Variants in ETFA observed in about 807,000 individuals in gnomAD.
ETFA encodes the protein electron transfer flavoprotein subunit alpha.
In ETFA, 22 loss-of-function variants were observed where a neutral mutation model predicts 46.2. That is an observed-to-expected ratio of 0.48 (90% CI 0.34 to 0.68). ETFA has a LOEUF of 0.68. ETFA is among the 30% of genes least tolerant of loss of function. The pLI, the probability that ETFA is intolerant of heterozygous loss-of-function variation, is 0.01. For synonymous variants in ETFA, 131 were observed against 139.9 expected, an observed-to-expected ratio of 0.94 and a Z score of 0.45; for missense variants, 345 against 401.1, an observed-to-expected ratio of 0.86 and a Z score of 1.19.
rs114789882 is a variant in ETFA, at chr15:76,289,803, G to A, written c.352-1858C>T. On this transcript the variant is annotated intron_variant, in intron 4 of 11. Coordinates refer to ENST00000557943, the MANE Select transcript of ETFA (RefSeq NM_000126.4). ...GTTTCTCATTCCAAACCCATTTACA[G>A]GCCGCACGACCAGCTACTATTATGT... Among the ~76,000 whole-genome samples, 725 of 152,242 alleles carry A rather than the reference G, an allele frequency of 4.8e-3. 4 individuals are homozygous for A. Among genetic ancestry groups the A allele is most frequent in the African/African-American group, 0.017 (707 of 41,518 alleles).
At chr15:76,299,230 T>C (rs747320060) in intron 1 of ETFA, among the ~76,000 whole-genome samples, 11 of 152,184 alleles carry the variant, frequency 7.2e-5, no homozygotes, top group Admixed American at 2.6e-4. Flanking sequence ...ACAACTTCCT[T>C]GTTCGCACTC....
intron 9 of ETFA, among the ~76,000 whole-genome samples, chr15:76,268,560 G>A (rs1478063120): frequency 6.6e-6 from 1 of 152,176 alleles, no homozygotes; most frequent in East Asian, 1.9e-4. Flanking sequence ...ATGGACCAAT[G>A]TTTTCTGACT....
At chr15:76,263,223 G>C (rs1428194606) in intron 9 of ETFA, among the ~76,000 whole-genome samples, 3 of 152,134 alleles carry the variant, frequency 2.0e-5, no homozygotes, top group African/African-American at 7.2e-5. Flanking sequence ...CCATACTAGC[G>C]TTGGCCCCCT....
intron 8 of ETFA, 29 bp from the exon 9 acceptor site, chr15:76,274,523 T>C: frequency 1.9e-6 from 3 of 1,567,844 alleles, no homozygotes; most frequent in Admixed American, 1.7e-5. Context: ...TGTCATTTTT[T>C]TCAAGCTCTA....
intron 2 of ETFA, among the ~76,000 whole-genome samples, chr15:76,295,249 GA>G (rs2039806112): frequency 6.6e-6 from 1 of 152,094 alleles, no homozygotes; most frequent in Non-Finnish European, 1.5e-5. Context: ...CCACTTTCAG[GA>G]ATTAGAAGCA....
intron 9 of ETFA, among the ~76,000 whole-genome samples, chr15:76,245,470 C>T (rs1459908235): frequency 1.3e-5 from 2 of 152,208 alleles, no homozygotes; most frequent in Admixed American, 6.5e-5. Flanking sequence ...TCAGTCCTAG[C>T]TGTATACAAG....
At chr15:76,267,718 T>C (rs982349595) in intron 9 of ETFA, among the ~76,000 whole-genome samples, 5 of 152,208 alleles carry the variant, frequency 3.3e-5, no homozygotes, top group African/African-American at 1.2e-4. Context: ...TTTAGCTTTA[T>C]TAACATTAAA....
At chr15:76,259,862 G>A in intron 9 of ETFA, 3 of 1,376,168 alleles carry the variant, frequency 2.2e-6, no homozygotes, top group Non-Finnish European at 3.1e-6. Context: ...GAGCAGGAAG[G>A]CGTGCAGGTC....
At chr15:76,261,318 T>C in intron 9 of ETFA, 1 of 1,489,332 alleles carries the variant, frequency 6.7e-7, no homozygotes, top group Non-Finnish European at 9.3e-7. Flanking sequence ...TGAGCCACAC[T>C]GGCTGGGAGA....
chr15:76,289,475 G>A (rs2039736852), intron 4 of ETFA, among the ~76,000 whole-genome samples: 1 of 152,000 alleles, frequency 6.6e-6, no homozygotes, highest in South Asian at 2.1e-4. Context: ...ATTATCCCTT[G>A]TTTAACATAT....
At chr15:76,216,698 AT>A in intron 11 of ETFA, 101 bp from the exon 12 acceptor site, 1 of 810,834 alleles carries the variant, frequency 1.2e-6, no homozygotes, top group Non-Finnish European at 2.2e-6. Context: ...AACAACACAA[AT>A]CACTGTTGAG....
At chr15:76,295,146 T>C (rs8029637) in intron 2 of ETFA, among the ~76,000 whole-genome samples, 43,478 of 152,158 alleles carry the variant, frequency 0.29, 6,649 homozygotes, top group East Asian at 0.58. Context: ...GAACATCTTT[T>C]AGTACCAGCT....
chr15:76,279,778 A>G (rs907193223), intron 8 of ETFA, among the ~76,000 whole-genome samples: 1 of 152,018 alleles, frequency 6.6e-6, no homozygotes, highest in Non-Finnish European at 1.5e-5. Context: ...GTTCCAAAAC[A>G]TAGCCTCTGC....
chr15:76,261,357 C>T, intron 9 of ETFA: 2 of 1,268,500 alleles, frequency 1.6e-6, no homozygotes, highest in South Asian at 2.5e-5. Context: ...CCACCTTGCA[C>T]CAGTACTGGC....
chr15:76,306,264 C>T (rs1319511424), intron 1 of ETFA, among the ~76,000 whole-genome samples: 5 of 55,050 alleles, frequency 9.1e-5, no homozygotes, highest in Non-Finnish European at 1.6e-4. Context: ...GGTTTTTTTG[C>T]TTCTTTTTTT....
chr15:76,217,266 T>C (rs1238295411), intron 11 of ETFA, among the ~76,000 whole-genome samples: 1 of 152,200 alleles, frequency 6.6e-6, no homozygotes, highest in Non-Finnish European at 1.5e-5. Context: ...CATTCCTGAC[T>C]TTCCTTCCAA....
chr15:76,259,315 G>T lies in ETFA; in HGVS notation c.816+15097C>A, dbSNP rs371398721. 44 of 1,593,198 alleles carry T rather than the reference G, an allele frequency of 2.8e-5. No individual in the cohort carries two copies. In the East Asian group the frequency reaches 5.6e-4, roughly 20 times the overall value. On this transcript the variant is annotated intron_variant, in intron 9 of 11. Coordinates refer to ENST00000557943, the MANE Select transcript of ETFA (RefSeq NM_000126.4). The stretch of plus-strand genomic sequence containing the variant: ...AGAATGTTCTCCAGTTCCATTCGCA[G>T]ACAAGTAAAGCTTGGGCGCTGCTTG...
chr15:76,273,660 T>C (rs902492598), intron 9 of ETFA, among the ~76,000 whole-genome samples: 1 of 151,982 alleles, frequency 6.6e-6, no homozygotes, highest in Non-Finnish European at 1.5e-5. Flanking sequence ...GAATATCTCA[T>C]AGAATAGAGC....
intron 9 of ETFA, chr15:76,260,987 G>T (rs1395053725): frequency 8.1e-6 from 13 of 1,609,648 alleles, no homozygotes; most frequent in Non-Finnish European, 1.1e-5. Context: ...CCACACTAGT[G>T]TTGCCGCTGG....
Sources: allele counts gnomAD v4.1 joint callset (sites outside exome capture counted in the v4.1 genomes callset), GRCh38; gene constraint gnomAD v4.1.1; transcripts MANE v1.5; gene names NCBI Gene and HGNC (gene_info 2026-07-23, HGNC 2026-07-21).